The following DPY19L4 variants were observed in gnomAD, a reference collection of about 807,000 sequenced individuals.
DPY19L4 encodes dpy-19 like 4, also known as probable C-mannosyltransferase DPY19L4.
DPY19L4 carries 97 observed loss-of-function variants against 102.8 expected under a neutral mutation model. The ratio of observed to expected loss-of-function variants is 0.94; its 90% confidence interval spans 0.80 to 1.12. The LOEUF (loss-of-function observed/expected upper bound fraction) is 1.12, where lower values mean the gene tolerates loss of function less well. DPY19L4 is among the 50% of genes most tolerant of loss of function. DPY19L4 has a pLI of 0.00. For missense variants in DPY19L4, 815 were observed against 850.4 expected (o/e 0.96, Z 0.52); for synonymous variants, 252 against 283.1 (o/e 0.89, Z 1.10).
At chr8:94,771,779 G>C (rs899056348) in intron 13 of DPY19L4, among the ~76,000 whole-genome samples, 2 of 152,134 alleles carry the variant, frequency 1.3e-5, no homozygotes, top group Admixed American at 6.6e-5. Context: ...AACACAGGGA[G>C]CATGTGGCAG....
chr8:94,748,250 A>G (rs1318632371), intron 6 of DPY19L4, among the ~76,000 whole-genome samples: 2 of 152,118 alleles, frequency 1.3e-5, no homozygotes, highest in African/African-American at 4.8e-5. Context: ...TCCCATCTGT[A>G]TTCCAGACAC....
chr8:94,783,821 T>A lies in DPY19L4; in HGVS notation c.1848+19T>A. On this transcript the variant is annotated intron_variant, in intron 17 of 18. Coordinates refer to ENST00000414645, the MANE Select transcript of DPY19L4 (RefSeq NM_181787.3). ...TGAAAATGTAAGACATTTTAAATTC[T>A]ACATTTGGATCTCTTTTCCAGCACT... The A allele has an allele frequency of 6.2e-7, 1 of 1,613,150 alleles. No individual in the cohort carries two copies. The highest frequency in any genetic ancestry group is 8.5e-7 in the Non-Finnish European group (1 of 1,179,498).
chr8:94,771,621 C>T (rs1448048366), intron 13 of DPY19L4, among the ~76,000 whole-genome samples: 1 of 152,120 alleles, frequency 6.6e-6, no homozygotes, highest in Non-Finnish European at 1.5e-5. Flanking sequence ...GGAAAAAGTG[C>T]CTGAGACCTG....
At chr8:94,748,769 T>C (rs1811789579) in intron 6 of DPY19L4, among the ~76,000 whole-genome samples, 2 of 152,200 alleles carry the variant, frequency 1.3e-5, no homozygotes, top group African/African-American at 2.4e-5. Context: ...GCACGAACCC[T>C]ATTGTGAACT....
chr8:94,786,646 T>C (rs1415902980), intron 17 of DPY19L4, among the ~76,000 whole-genome samples: 1 of 151,996 alleles, frequency 6.6e-6, no homozygotes, highest in African/African-American at 2.4e-5. Flanking sequence ...CTCCCAGGTT[T>C]AAGCAATTCT....
intron 1 of DPY19L4, among the ~76,000 whole-genome samples, chr8:94,724,455 G>C (rs1251095290): frequency 6.6e-6 from 1 of 152,194 alleles, no homozygotes; most frequent in Non-Finnish European, 1.5e-5. Flanking sequence ...CTTTAACCTA[G>C]AGCAGGGGAA....
At position 94,768,380 on chromosome 8, in the gene DPY19L4, T is replaced by C; in HGVS notation, c.1176-15T>C. 4.4e-6 allele frequency: 7 copies of C among 1,580,344 alleles called. No homozygotes were observed. The highest frequency in any genetic ancestry group is 4.3e-6 in the Non-Finnish European group (5 of 1,168,050). ...ACGTCTATGAATTTAATATCATACT[T>C]TTTGTCTTCTATAGGAATTTTACAA... On this transcript the variant is annotated splice_polypyrimidine_tract_variant and intron_variant, in intron 11 of 18. Transcript: ENST00000414645.
chr8:94,731,691 C>G (rs1427173969), intron 2 of DPY19L4, among the ~76,000 whole-genome samples: 3 of 152,210 alleles, frequency 2.0e-5, no homozygotes, highest in Non-Finnish European at 4.4e-5. Context: ...GCTGGGATTA[C>G]AGGTGTGACA....
At chr8:94,757,055 T>G (rs535162129) in intron 7 of DPY19L4, among the ~76,000 whole-genome samples, 6 of 152,162 alleles carry the variant, frequency 3.9e-5, no homozygotes, top group Admixed American at 2.0e-4. Flanking sequence ...TTAAAATACA[T>G]AAAATGATTA....
chr8:94,757,782 G>A (rs1812226155), intron 7 of DPY19L4, among the ~76,000 whole-genome samples: 1 of 152,098 alleles, frequency 6.6e-6, no homozygotes, highest in African/African-American at 2.4e-5. Flanking sequence ...CAGCTGTCAG[G>A]GAAGAATAGT....
chr8:94,770,015 G>T (rs1812855013), intron 12 of DPY19L4, among the ~76,000 whole-genome samples: 1 of 151,510 alleles, frequency 6.6e-6, no homozygotes. Context: ...AACCTCCGGA[G>T]TAGCTAAGAT....
At chr8:94,757,104 A>G (rs1383783640) in intron 7 of DPY19L4, among the ~76,000 whole-genome samples, 1 of 152,180 alleles carries the variant, frequency 6.6e-6, no homozygotes, top group Admixed American at 6.6e-5. Flanking sequence ...CTGAATTGTA[A>G]CAGTCCTTTG....
chr8:94,720,143 G>A, intron 1 of DPY19L4, 129 bp downstream of exon 1: 2 of 1,380,354 alleles, frequency 1.4e-6, no homozygotes, highest in Non-Finnish European at 1.9e-6. Context: ...GGGCAGGGCG[G>A]GAAGGAGCGC....
At position 94,768,361 on chromosome 8, in the gene DPY19L4, A is replaced by G. The variant is rs1463408527; in HGVS notation, c.1176-34A>G. ...CTTCTGTGTTCAGTTTAAAACGTCT[A>G]TGAATTTAATATCATACTTTTTGTC... On this transcript the variant is annotated intron_variant, in intron 11 of 18. Transcript: ENST00000414645. 9 of 1,537,154 alleles carry G rather than the reference A, an allele frequency of 5.9e-6. No homozygotes were observed. The East Asian group carries it at 1.6e-4, about 27-fold the overall frequency.
At chr8:94,759,500 CTTTTTTTT>C (rs1161705507) in intron 7 of DPY19L4, among the ~76,000 whole-genome samples, 1 of 67,562 alleles carries the variant, frequency 1.5e-5, no homozygotes, top group Non-Finnish European at 2.7e-5. Context: ...TCTACATGTT[CTTTTTTTT>C]TTTTTTTTTT....
chr8:94,789,916 A>C lies in DPY19L4; in HGVS notation c.*6A>C. 6.3e-7 allele frequency: 1 copy of C among 1,584,660 alleles called. No individual in the cohort carries two copies. The highest frequency in any genetic ancestry group is 8.5e-7 in the Non-Finnish European group (1 of 1,171,702). ...TGATATCCTTCCAGTCTTGAAAAAT[A>C]ACAGAGCCTTCATTTCAAAGACTAC... On this transcript the variant is annotated 3_prime_UTR_variant, in exon 19 of 19. Coordinates refer to ENST00000414645, the MANE Select transcript of DPY19L4 (RefSeq NM_181787.3).
intron 13 of DPY19L4, among the ~76,000 whole-genome samples, chr8:94,774,006 A>G (rs951377484): frequency 6.8e-6 from 1 of 147,528 alleles, no homozygotes; most frequent in African/African-American, 2.5e-5. Flanking sequence ...CTGCACTCCA[A>G]TCTGTGTGAC....
At chr8:94,780,960 G>A in intron 15 of DPY19L4, 124 bp from the exon 16 acceptor site, 2 of 700,928 alleles carry the variant, frequency 2.9e-6, no homozygotes, top group East Asian at 2.9e-5. Context: ...TGCGAACGGT[G>A]TTGTAATATC....
At chr8:94,748,621 AATGATGATGATGATGACG>A (rs1191605637) in intron 6 of DPY19L4, among the ~76,000 whole-genome samples, 3 of 151,702 alleles carry the variant, frequency 2.0e-5, no homozygotes, top group African/African-American at 7.3e-5. Flanking sequence ...CAGCAGTGAC[AATGATGATGATGATGACG>A]ATGATGATGA....
Sources: gnomAD v4.1 joint callset for allele counts (sites outside exome capture counted in the v4.1 genomes callset) on GRCh38, gnomAD v4.1.1 for gene constraint, MANE v1.5 for transcripts, NCBI Gene and HGNC (gene_info 2026-07-23, HGNC 2026-07-21) for gene names.